The following ZZZ3 variants were observed in gnomAD, a reference collection of about 807,000 sequenced individuals.
The protein encoded by ZZZ3 is ZZ-type zinc finger-containing protein 3.
In ZZZ3, 22 loss-of-function variants were observed where a neutral mutation model predicts 95.2. The ratio of observed to expected loss-of-function variants is 0.23; its 90% CI spans 0.17 to 0.33. The LOEUF is 0.33. Among genes scored for constraint, ZZZ3 ranks in the 10% least tolerant of loss-of-function variants. ZZZ3 has a pLI of 1.00. For synonymous variants in ZZZ3, 335 were observed against 358.9 expected (o/e 0.93, Z 0.75); for missense variants, 885 against 1,066.5 (o/e 0.83, Z 2.37).
intron 5 of ZZZ3, among the ~76,000 whole-genome samples, chr1:77,625,765 G>A (rs752266736): frequency 1.3e-4 from 20 of 151,798 alleles, no homozygotes; most frequent in East Asian, 1.9e-4. Flanking sequence ...TGAGGGGGGC[G>A]GATCACTTGA....
chr1:77,576,399 A>T (rs2100522942), intron 11 of ZZZ3, among the ~76,000 whole-genome samples, 179 bp from the exon 12 acceptor site: 1 of 152,238 alleles, frequency 6.6e-6, no homozygotes. Flanking sequence ...AACTAGCTTT[A>T]AAAAATTTTT....
intron 1 of ZZZ3, among the ~76,000 whole-genome samples, chr1:77,660,333 T>C (rs943475681): frequency 8.5e-5 from 13 of 152,142 alleles, no homozygotes; most frequent in African/African-American, 3.1e-4. Flanking sequence ...TCTCCAAAAC[T>C]CCATTTTGTA....
chr1:77,563,950 G>GGTAT lies in ZZZ3; in HGVS notation c.*1686_*1689dup, dbSNP rs1354211475. 2.0e-5 allele frequency: 3 copies of GGTAT among 151,248 alleles called. No individual in the cohort carries two copies. Among genetic ancestry groups the GGTAT allele is most frequent in the Non-Finnish European group, 2.9e-5 (2 of 67,810 alleles). The allele number at this position is 151,248 out of a possible 1,614,324, so 9.4% of individuals were successfully genotyped here. Reference sequence around the variant, plus strand: ...CTTTTCTCAATTAAAAAAAATTCAGGGTATGATTTTAGTACCCTGCTATGT... The same window carrying GGTAT: ...CTTTTCTCAATTAAAAAAAATTCAGGGTATGTATGATTTTAGTACCCTGCTATGT... On this transcript the variant is annotated 3_prime_UTR_variant, in exon 15 of 15. Transcript: ENST00000370801.
intron 1 of ZZZ3, among the ~76,000 whole-genome samples, chr1:77,646,903 C>T (rs1331091819): frequency 1.3e-5 from 2 of 152,028 alleles, no homozygotes; most frequent in African/African-American, 2.4e-5. Context: ...AAGGTAGCTA[C>T]AGTCTCCCAG....
intron 5 of ZZZ3, among the ~76,000 whole-genome samples, chr1:77,629,075 G>A (rs1667565645): frequency 6.6e-6 from 1 of 152,120 alleles, no homozygotes; most frequent in Non-Finnish European, 1.5e-5. Flanking sequence ...CCAGACAGGT[G>A]TCATGATGCT....
At chr1:77,628,635 A>G (rs962865554) in intron 5 of ZZZ3, among the ~76,000 whole-genome samples, 1 of 152,218 alleles carries the variant, frequency 6.6e-6, no homozygotes, top group Non-Finnish European at 1.5e-5. Flanking sequence ...TTTGCACACA[A>G]GACAGATAAA....
intron 1 of ZZZ3, among the ~76,000 whole-genome samples, chr1:77,677,516 A>G (rs1672372666): frequency 6.6e-6 from 1 of 152,238 alleles, no homozygotes; most frequent in South Asian, 2.1e-4. Flanking sequence ...TGATGAGTAT[A>G]GGGTAACAAC....
intron 5 of ZZZ3, among the ~76,000 whole-genome samples, chr1:77,617,547 C>T (rs1458447447): frequency 6.6e-6 from 1 of 152,098 alleles, no homozygotes; most frequent in African/African-American, 2.4e-5. Context: ...TGAACTGTTT[C>T]TACCTTTTGG....
intron 1 of ZZZ3, among the ~76,000 whole-genome samples, chr1:77,679,827 C>A (rs937261626): frequency 3.3e-5 from 5 of 152,096 alleles, no homozygotes; most frequent in African/African-American, 1.2e-4. Flanking sequence ...ATACATTTTT[C>A]CTCTTCCTTG....
intron 5 of ZZZ3, among the ~76,000 whole-genome samples, chr1:77,590,147 C>T (rs1172797242): frequency 3.9e-5 from 6 of 152,126 alleles, no homozygotes; most frequent in African/African-American, 9.7e-5. Context: ...CCAAGGCAGG[C>T]GGATCACCAG....
chr1:77,624,474 A>C (rs1667158871), intron 5 of ZZZ3, among the ~76,000 whole-genome samples: 1 of 103,332 alleles, frequency 9.7e-6, no homozygotes, highest in Admixed American at 1.2e-4. Context: ...ATGAAGCTCC[A>C]TTTTGAAAAA....
chr1:77,588,958 C>A (rs939198450), intron 5 of ZZZ3, among the ~76,000 whole-genome samples: 35 of 152,316 alleles, frequency 2.3e-4, no homozygotes, highest in African/African-American at 8.2e-4. Flanking sequence ...TGGCTCAATG[C>A]AGCCTCTACC....
At chr1:77,569,318 C>CA (rs1206975500) in intron 12 of ZZZ3, among the ~76,000 whole-genome samples, 1 of 152,178 alleles carries the variant, frequency 6.6e-6, no homozygotes, top group African/African-American at 2.4e-5. Flanking sequence ...GCCTGGGAGA[C>CA]AGAGTGAGAC....
chr1:77,604,141 G>C (rs1239505276), intron 5 of ZZZ3, among the ~76,000 whole-genome samples: 1 of 152,180 alleles, frequency 6.6e-6, no homozygotes, highest in East Asian at 1.9e-4. Flanking sequence ...AGTAGCCACT[G>C]CACTCTAGCC....
At chr1:77,641,500 T>C (rs1238311392) in intron 2 of ZZZ3, 22 bp downstream of exon 2, 45 of 397,966 alleles carry the variant, frequency 1.1e-4, no homozygotes, top group South Asian at 1.3e-4. Context: ...ATGGCCTTAA[T>C]TAAGATTACA....
intron 6 of ZZZ3, 116 bp downstream of exon 6, chr1:77,584,401 G>T: frequency 2.9e-6 from 3 of 1,050,220 alleles, no homozygotes; most frequent in Non-Finnish European, 3.9e-6. Flanking sequence ...GCTAATTATA[G>T]ACGAAAAAAA....
In ZZZ3 at chr1:77,632,769, T is replaced by G. The variant is rs775955369; in HGVS notation, c.586A>C (p.Ile196Leu). The part of the protein sequence containing the change: ...GPLNSAVVEE[I>L]TGYLAVNGVD... ...CCATTGACAGCCAAATAGCCTGTGA[T>G]TTCTTCAACTACTGCAGAATTAAGT... is the stretch of plus-strand genomic sequence containing the variant. Residue 196 changes from isoleucine to leucine, a missense_variant, in exon 5 of 15, where the codon ATC becomes CTC. Physicochemically the swap from Ile to Leu is conservative, Grantham distance 5. Around this residue, in one of 5 missense-constraint regions of ZZZ3, gnomAD observed 556 missense variants for 652.9 expected, o/e 0.85. Transcript: ENST00000370801. 1 of 1,614,212 alleles carries G rather than the reference T, an allele frequency of 6.2e-7. No individual in the cohort carries two copies. The highest frequency in any genetic ancestry group is 8.5e-7 in the Non-Finnish European group (1 of 1,180,040).
At chr1:77,595,832 C>T (rs568397052) in intron 5 of ZZZ3, among the ~76,000 whole-genome samples, 158 of 151,972 alleles carry the variant, frequency 1.0e-3, no homozygotes, top group Middle Eastern at 3.4e-3. Context: ...TATTTAGCAC[C>T]GAAGTTGTTA....
chr1:77,629,827 A>C (rs374429758), intron 5 of ZZZ3, among the ~76,000 whole-genome samples: 10 of 152,298 alleles, frequency 6.6e-5, no homozygotes, highest in African/African-American at 2.4e-4. Flanking sequence ...TAAACATATA[A>C]AAGCACACTA....
Sources: gnomAD v4.1 joint callset for allele counts (sites outside exome capture counted in the v4.1 genomes callset) on GRCh38, gnomAD v4.1.1 for gene constraint, gnomAD v4.1.1 regional missense constraint, MANE v1.5 for transcripts, NCBI Gene and HGNC (gene_info 2026-07-23, HGNC 2026-07-21) for gene names.